The following FRY variants were observed in gnomAD, a reference collection of about 807,000 sequenced individuals.
FRY encodes the protein FRY microtubule binding protein.
FRY carries 128 observed loss-of-function variants against 348.4 expected under a neutral mutation model. The ratio of observed to expected loss-of-function variants is 0.37; its 90% CI spans 0.32 to 0.43. FRY has a LOEUF of 0.43. FRY is among the 20% of genes least tolerant of loss of function. FRY has a pLI of 1.00. For missense variants in FRY, 2,736 were observed against 3,695.2 expected, an observed-to-expected ratio of 0.74 and a Z score of 6.73; for synonymous variants, 1,370 against 1,374.7, an observed-to-expected ratio of 1.00 and a Z score of 0.08.
At chr13:32,227,813 G>A (rs1321147658) in intron 39 of FRY, among the ~76,000 whole-genome samples, 15 of 149,610 alleles carry the variant, frequency 1.0e-4, no homozygotes, top group Non-Finnish European at 1.9e-4. Flanking sequence ...GCGCAGCGGC[G>A]CGATCTCAGC....
intron 11 of FRY, among the ~76,000 whole-genome samples, chr13:32,145,535 T>TGTTTG (rs754105060): frequency 1.7e-4 from 23 of 136,184 alleles, no homozygotes; most frequent in South Asian, 4.8e-4. Flanking sequence ...TGTTTTTTTT[T>TGTTTG]TTTTTTTTTT....
intron 11 of FRY, among the ~76,000 whole-genome samples, chr13:32,142,266 G>T (rs987626555): frequency 6.6e-6 from 1 of 152,180 alleles, no homozygotes; most frequent in African/African-American, 2.4e-5. Context: ...GATTGCCTAG[G>T]TTCAGATTCT....
chr13:32,051,623 G>A (rs897599364), intron 1 of FRY, among the ~76,000 whole-genome samples: 4 of 152,144 alleles, frequency 2.6e-5, no homozygotes, highest in African/African-American at 9.7e-5. Flanking sequence ...GTTTGTATCA[G>A]GAAATCACAA....
chr13:32,081,849 T>C (rs564913116), intron 2 of FRY, among the ~76,000 whole-genome samples: 1 of 152,360 alleles, frequency 6.6e-6, no homozygotes, highest in South Asian at 2.1e-4. Flanking sequence ...TTGATGTATG[T>C]AGAGTACACT....
chr13:32,039,955 T>G (rs1732980787), intron 1 of FRY, among the ~76,000 whole-genome samples: 1 of 152,248 alleles, frequency 6.6e-6, no homozygotes, highest in South Asian at 2.1e-4. Context: ...GCAAAGTAAT[T>G]TAGCAGTGGA....
Position 32,237,549 on chromosome 13 carries a change from C to T in FRY, c.5981C>T (p.Ser1994Phe). Reference protein sequence around the residue: ...VPKKFGVIDRSSDPPRSATLD... With the variant: ...VPKKFGVIDRFSDPPRSATLD... ...AAGAAGTTTGGTGTCATCGACCGAT[C>T]CTCTGACCCACCTCGAAGTGCCACA... The change falls in exon 44 of 61, where the codon TCC becomes TTC. Residue 1994 changes from serine to phenylalanine, a missense_variant. Physicochemically the swap from Ser to Phe is radical, Grantham distance 155. This residue lies in a region of FRY where 12 missense variants were observed against 38.6 expected (regional missense o/e 0.31). Transcript: ENST00000542859. This position sits in a 1 kb window ranked among gnomAD's most constrained non-coding sequence, Gnocchi z 6.3. 1 of 1,614,124 alleles carries T rather than the reference C, an allele frequency of 6.2e-7. No individual in the cohort carries two copies. Among genetic ancestry groups the T allele is most frequent in the Non-Finnish European group, 8.5e-7 (1 of 1,180,026 alleles).
chr13:32,185,425 A>G (rs892676932), intron 26 of FRY, among the ~76,000 whole-genome samples: 2 of 152,184 alleles, frequency 1.3e-5, no homozygotes, highest in African/African-American at 4.8e-5. Context: ...TGTGATTTCC[A>G]TAGGAAGGAA....
chr13:32,122,546 A>G (rs1878735859), intron 4 of FRY, among the ~76,000 whole-genome samples: 1 of 152,226 alleles, frequency 6.6e-6, no homozygotes. Context: ...TTAATGTAAT[A>G]AAAGCCATCT....
chr13:32,175,749 C>A, intron 20 of FRY, 117 bp downstream of exon 20: 1 of 704,264 alleles, frequency 1.4e-6, no homozygotes, highest in Non-Finnish European at 2.6e-6. Flanking sequence ...ATAAACTGAC[C>A]CAAAGGTACT....
intron 11 of FRY, among the ~76,000 whole-genome samples, chr13:32,144,738 C>A (rs1880293775): frequency 6.6e-6 from 1 of 152,138 alleles, no homozygotes; most frequent in African/African-American, 2.4e-5. Flanking sequence ...AGCAAACATT[C>A]ATTGACCCCG....
chr13:32,211,658 A>G (rs1438287934), intron 34 of FRY, among the ~76,000 whole-genome samples: 1 of 152,036 alleles, frequency 6.6e-6, no homozygotes, highest in Non-Finnish European at 1.5e-5. Context: ...CCTTGGCTAT[A>G]TTCCTTCAGC....
chr13:32,119,591 C>T (rs1330838805), intron 4 of FRY, among the ~76,000 whole-genome samples: 3 of 152,128 alleles, frequency 2.0e-5, no homozygotes, highest in Non-Finnish European at 4.4e-5. Context: ...CACAAAAATA[C>T]TCTCTCTACT....
intron 1 of FRY, among the ~76,000 whole-genome samples, chr13:32,053,536 T>TA (rs1391370534): frequency 3.9e-5 from 6 of 152,234 alleles, no homozygotes; most frequent in African/African-American, 1.4e-4. Flanking sequence ...CAGACTGTGT[T>TA]AGTTTTCCAA....
intron 1 of FRY, among the ~76,000 whole-genome samples, chr13:32,068,093 G>A (rs1035935794): frequency 6.6e-6 from 1 of 152,096 alleles, no homozygotes; most frequent in African/African-American, 2.4e-5. Context: ...ACTGTGATGT[G>A]CTAAAGACTG....
At chr13:32,227,803 G>C (rs147619039) in intron 39 of FRY, among the ~76,000 whole-genome samples, 1 of 149,168 alleles carries the variant, frequency 6.7e-6, no homozygotes, top group Non-Finnish European at 1.5e-5. Context: ...CCAGGCTGGA[G>C]CGCAGCGGCG....
Position 32,298,993 on chromosome 13 carries a change from C to G in FRY, c.*3533C>G, listed in dbSNP as rs1205034168. The G allele has an allele frequency of 6.6e-6, 1 of 152,184 alleles. No individual in the cohort carries two copies. Among genetic ancestry groups the G allele is most frequent in the Non-Finnish European group, 1.5e-5 (1 of 68,036 alleles). The allele number at this position is 152,184 out of a possible 1,614,324, so 9.4% of individuals were successfully genotyped here. A position where few individuals can be genotyped will look rare whatever the true frequency, so the allele number is the denominator to read the frequency against. On this transcript the variant is annotated 3_prime_UTR_variant, in exon 61 of 61. Transcript: ENST00000542859. ...TCCTTCATAGCGATGAAGAAAAGCT[C>G]TATAACAAAAGTTCCGTTGTGGTGG...
intron 1 of FRY, among the ~76,000 whole-genome samples, chr13:32,075,150 A>G (rs1279322653): frequency 6.6e-6 from 1 of 152,238 alleles, no homozygotes; most frequent in Non-Finnish European, 1.5e-5. Flanking sequence ...CTTGAGAGCT[A>G]AATTCTTAGA....
rs565540105 is a variant in FRY at position 32,203,279 on chromosome 13, T to C, written c.4018+752T>C. Among the ~76,000 whole-genome samples, 7 of 152,340 alleles carry C rather than the reference T, an allele frequency of 4.6e-5. No homozygotes were observed. The South Asian group carries it at 1.4e-3, about 32-fold the overall frequency. ...GATAGTGGTGGTGTTTTGTAGCTTGTATTTTGCTACATATGTAAGTTGTTG... is the reference window on the plus strand; with the variant it reads ...GATAGTGGTGGTGTTTTGTAGCTTGCATTTTGCTACATATGTAAGTTGTTG... On this transcript the variant is annotated intron_variant, in intron 31 of 60. Transcript: ENST00000542859.
chr13:32,177,368 C>T (rs547809544), intron 20 of FRY, among the ~76,000 whole-genome samples: 29 of 152,204 alleles, frequency 1.9e-4, no homozygotes, highest in African/African-American at 7.0e-4. Flanking sequence ...GAAGGCAGAT[C>T]ATTTAGAGTT....
Sources: gnomAD v4.1 joint callset for allele counts (sites outside exome capture counted in the v4.1 genomes callset) on GRCh38, gnomAD v4.1.1 for gene constraint, gnomAD v4.1.1 regional missense constraint, Gnocchi (gnomAD v3.1) non-coding constraint, MANE v1.5 for transcripts, NCBI Gene and HGNC (gene_info 2026-07-23, HGNC 2026-07-21) for gene names.